The following ZFHX4 variants were observed in gnomAD, a reference collection of about 807,000 sequenced individuals.
ZFHX4 encodes the protein zinc finger homeobox 4, also known as zinc finger homeobox protein 4.
ZFHX4 carries 56 observed loss-of-function variants against 267.6 expected under a neutral mutation model. The observed-to-expected ratio is 0.21, with a 90% CI of 0.17 to 0.26. The LOEUF (loss-of-function observed/expected upper bound fraction) is 0.26. Among genes scored for constraint, ZFHX4 ranks in the 10% least tolerant of loss-of-function variants. The pLI is 1.00. For synonymous variants in ZFHX4, 1,778 were observed against 1,665.6 expected (o/e 1.07, Z -1.64); for missense variants, 4,332 against 4,420.0 (o/e 0.98, Z 0.56).
intron 4 of ZFHX4, among the ~76,000 whole-genome samples, chr8:76,785,388 G>A (rs375061163): frequency 2.6e-5 from 4 of 151,952 alleles, no homozygotes; most frequent in East Asian, 1.9e-4. Context: ...AATGGAAATC[G>A]GTGAAAACAG....
intron 3 of ZFHX4, among the ~76,000 whole-genome samples, chr8:76,770,690 G>GA (rs1309623318): frequency 1.3e-5 from 2 of 151,810 alleles, no homozygotes; most frequent in Non-Finnish European, 2.9e-5. Context: ...GTACAACAAG[G>GA]AAAAAAATGT....
At chr8:76,826,956 G>A (rs1811800961) in intron 4 of ZFHX4, among the ~76,000 whole-genome samples, 1 of 152,232 alleles carries the variant, frequency 6.6e-6, no homozygotes, top group East Asian at 1.9e-4. Context: ...TTATTGGGTG[G>A]AAGAGGGATC....
intron 3 of ZFHX4, among the ~76,000 whole-genome samples, chr8:76,759,059 TTACA>T (rs1489609265): frequency 1.3e-5 from 2 of 152,216 alleles, no homozygotes; most frequent in Non-Finnish European, 2.9e-5. Flanking sequence ...AAGATTTTCT[TTACA>T]TACATATTTA....
rs1420544533 is a variant in ZFHX4 at position 76,705,472 on chromosome 8, G to A, written c.1384G>A (p.Val462Ile). 1 of 1,613,736 alleles carries A rather than the reference G, an allele frequency of 6.2e-7. No individual in the cohort carries two copies. Among genetic ancestry groups the A allele is most frequent in the Non-Finnish European group, 8.5e-7 (1 of 1,179,804 alleles). Residue 462 changes from valine (V) to isoleucine (I), a missense_variant, in exon 2 of 11, where the codon GTC (valine) becomes ATC (isoleucine). Coordinates refer to ENST00000651372, the MANE Select transcript of ZFHX4 (RefSeq NM_024721.5). ...TTTACACCCAAACGGGGAGTGCCCT[G>A]TCAAAAGTGAACCCACTGAACCGGG... ...NVLHPNGECP[V>I]KSEPTEPGDE...
chr8:76,752,687 C>T (rs1809652743), intron 3 of ZFHX4, among the ~76,000 whole-genome samples: 1 of 151,456 alleles, frequency 6.6e-6, no homozygotes, highest in Non-Finnish European at 1.5e-5. Context: ...CAAAACAAAA[C>T]AATACAAAAA....
At chr8:76,694,206 A>G (rs1484278185) in intron 1 of ZFHX4, among the ~76,000 whole-genome samples, 2 of 152,202 alleles carry the variant, frequency 1.3e-5, no homozygotes, top group Admixed American at 1.3e-4. Flanking sequence ...AAAGGTTGCC[A>G]TGTTTATGCT....
intron 3 of ZFHX4, among the ~76,000 whole-genome samples, chr8:76,721,542 T>A (rs76807329): frequency 1.9e-3 from 293 of 152,300 alleles, no homozygotes; most frequent in Non-Finnish European, 1.5e-3. Context: ...CTGTGCTTTA[T>A]TTTTTCTTGT....
At chr8:76,782,336 T>A (rs1171763551) in intron 4 of ZFHX4, 2 of 205,478 alleles carry the variant, frequency 9.7e-6, no homozygotes, top group Non-Finnish European at 2.1e-5. Flanking sequence ...AAATTGAAAA[T>A]GTTATAAATG....
chr8:76,751,623 A>AGG (rs1053119998), intron 3 of ZFHX4, among the ~76,000 whole-genome samples: 1 of 152,192 alleles, frequency 6.6e-6, no homozygotes, highest in African/African-American at 2.4e-5. Context: ...ATGAATTGTG[A>AGG]GGGATACAAG....
intron 4 of ZFHX4, among the ~76,000 whole-genome samples, chr8:76,827,418 G>T (rs1469260306): frequency 6.6e-6 from 1 of 152,160 alleles, no homozygotes; most frequent in African/African-American, 2.4e-5. Flanking sequence ...CAGGGTTAGG[G>T]ACCCCTGCTA....
At chr8:76,730,363 A>C (rs2131660119) in intron 3 of ZFHX4, among the ~76,000 whole-genome samples, 1 of 152,280 alleles carries the variant, frequency 6.6e-6, no homozygotes, top group South Asian at 2.1e-4. Flanking sequence ...TGTTACAAAA[A>C]TTCATGTCTT....
intron 8 of ZFHX4, 49 bp from the exon 9 acceptor site, chr8:76,850,196 T>A: frequency 1.4e-6 from 2 of 1,405,460 alleles, no homozygotes; most frequent in Non-Finnish European, 2.0e-6. Context: ...TGTGATGGAA[T>A]TTGTGATTTC....
chr8:76,864,683 G>A lies in ZFHX4; in HGVS notation c.*118G>A. ...CCAAAAATTACAGTACCAAATGATTGACTCAGGATTGTTTTTCCCATATTG... is the reference window on the plus strand; with the variant it reads ...CCAAAAATTACAGTACCAAATGATTAACTCAGGATTGTTTTTCCCATATTG... On this transcript the variant is annotated 3_prime_UTR_variant, in exon 11 of 11. Transcript: ENST00000651372. The A allele has an allele frequency of 1.4e-6, 1 of 704,800 alleles. No individual in the cohort carries two copies. The allele number at this position is 704,800 out of a possible 1,614,324, so 43.7% of individuals were successfully genotyped here. A position where few individuals can be genotyped will look rare whatever the true frequency, so the allele number is the denominator to read the frequency against.
intron 3 of ZFHX4, among the ~76,000 whole-genome samples, chr8:76,726,559 G>A (rs1488154466): frequency 6.6e-6 from 1 of 152,050 alleles, no homozygotes; most frequent in Non-Finnish European, 1.5e-5. Flanking sequence ...TACACATTTT[G>A]TATTTGCCTG....
chr8:76,835,509 A>G (rs1349317853), intron 5 of ZFHX4, among the ~76,000 whole-genome samples: 1 of 151,858 alleles, frequency 6.6e-6, no homozygotes, highest in Non-Finnish European at 1.5e-5. Context: ...TTAAAATAAA[A>G]ACAATTTTGC....
chr8:76,682,688 C>CGTGTGT (rs138672735), intron 1 of ZFHX4: 1 of 152,090 alleles, frequency 6.6e-6, no homozygotes, highest in Non-Finnish European at 1.5e-5. Flanking sequence ...TGTGCGTGTG[C>CGTGTGT]GTGTGTGTGT....
chr8:76,778,869 G>A lies in ZFHX4; in HGVS notation c.3325+430G>A, dbSNP rs377005561. ...AAAAAAGATTAATAGTTTTATTTGA[G>A]AGAGACCAGTAATTTAAAACATAAG... On this transcript the variant is annotated intron_variant, in intron 4 of 10. Transcript: ENST00000651372. Among the ~76,000 whole-genome samples the A allele has an allele frequency of 2.0e-5, 3 of 152,296 alleles. No individual in the cohort carries two copies. The East Asian group carries it at 5.8e-4, about 29-fold the overall frequency.
At chr8:76,793,950 A>G (rs759613903) in intron 4 of ZFHX4, among the ~76,000 whole-genome samples, 1 of 152,182 alleles carries the variant, frequency 6.6e-6, no homozygotes, top group Non-Finnish European at 1.5e-5. Context: ...AATGCACTCC[A>G]CTTAAAATTG....
intron 4 of ZFHX4, among the ~76,000 whole-genome samples, chr8:76,785,998 G>T (rs964473161): frequency 6.6e-6 from 1 of 151,960 alleles, no homozygotes; most frequent in Non-Finnish European, 1.5e-5. Flanking sequence ...CTCAACTCAC[G>T]TAATTCTTGA....
Sources: allele counts gnomAD v4.1 joint callset (sites outside exome capture counted in the v4.1 genomes callset), GRCh38; gene constraint gnomAD v4.1.1; transcripts MANE v1.5; gene names NCBI Gene and HGNC (gene_info 2026-07-23, HGNC 2026-07-21).